CRPPA: variants seen among roughly 807,000 people sequenced by gnomAD.
CRPPA encodes the protein CDP-L-ribitol pyrophosphorylase A, also known as D-ribitol-5-phosphate cytidylyltransferase.
Under a neutral mutation model 52.0 loss-of-function variants are expected in CRPPA, and 43 were observed. The ratio of observed to expected loss-of-function variants is 0.83; its 90% CI spans 0.65 to 1.07. The LOEUF is 1.07. CRPPA is among the 50% of genes least tolerant of loss of function. CRPPA has a pLI of 0.00. For missense variants in CRPPA, 629 were observed against 551.7 expected (o/e 1.14, Z -1.40); for synonymous variants, 250 against 203.5 (o/e 1.23, Z -1.94).
chr7:16,129,815 T>C (rs1276411240), intron 9 of CRPPA, among the ~76,000 whole-genome samples: 2 of 152,182 alleles, frequency 1.3e-5, no homozygotes, highest in African/African-American at 2.4e-5. Flanking sequence ...TGTTTTCAAT[T>C]CATCTCCCTT....
chr7:16,290,133 T>C (rs1271439948), intron 5 of CRPPA, among the ~76,000 whole-genome samples: 1 of 151,766 alleles, frequency 6.6e-6, no homozygotes, highest in African/African-American at 2.4e-5. Context: ...TACAAAACGC[T>C]AATGAAAGAA....
chr7:16,283,531 A>G (rs1784361847), intron 5 of CRPPA, among the ~76,000 whole-genome samples: 1 of 150,858 alleles, frequency 6.6e-6, no homozygotes, highest in Admixed American at 6.6e-5. Context: ...GTGTATATAT[A>G]TATCTATAGA....
intron 9 of CRPPA, among the ~76,000 whole-genome samples, chr7:16,206,453 TTTC>T (rs1384240341): frequency 6.6e-6 from 1 of 152,118 alleles, no homozygotes; most frequent in African/African-American, 2.4e-5. Flanking sequence ...GAACTTTTAG[TTTC>T]TTGTGTTTCT....
chr7:16,190,817 C>T (rs933328941), intron 9 of CRPPA, among the ~76,000 whole-genome samples: 12 of 152,076 alleles, frequency 7.9e-5, no homozygotes, highest in Admixed American at 2.0e-4. Context: ...ATTCTTATGC[C>T]TTTGCATCCT....
At chr7:16,279,908 T>TA (rs1456687991) in intron 5 of CRPPA, among the ~76,000 whole-genome samples, 1 of 152,236 alleles carries the variant, frequency 6.6e-6, no homozygotes, top group Admixed American at 6.5e-5. Context: ...TTATTGGACT[T>TA]ACAGTTCCAT....
intron 4 of CRPPA, among the ~76,000 whole-genome samples, chr7:16,304,375 G>A (rs1222958452): frequency 2.0e-5 from 3 of 152,098 alleles, no homozygotes; most frequent in Non-Finnish European, 4.4e-5. Context: ...GCACAGGAAG[G>A]TGACATCAAG....
Position 16,221,910 on chromosome 7 carries a change from T to A in CRPPA, c.1120-5713A>T, listed in dbSNP as rs567079615. On this transcript the variant is annotated intron_variant, in intron 8 of 9. Coordinates refer to ENST00000407010, the MANE Select transcript of CRPPA (RefSeq NM_001101426.4). The stretch of plus-strand genomic sequence containing the variant: ...TGGCGATTCCTCAGGGATCTAGAAC[T>A]AGAAATACCATTTGACCCAGCCATC... 2.9e-3 allele frequency among the ~76,000 whole-genome samples: 440 copies of A among 151,770 alleles called. 3 individuals are homozygous for A. Among genetic ancestry groups the A allele is most frequent in the African/African-American group, 0.01 (421 of 41,350 alleles).
chr7:16,231,085 G>A (rs576632837), intron 8 of CRPPA, among the ~76,000 whole-genome samples: 6 of 152,252 alleles, frequency 3.9e-5, no homozygotes, highest in African/African-American at 1.2e-4. Flanking sequence ...TATTATTGTG[G>A]TGGGCCAAGT....
chr7:16,303,268 GATAAAGGAATAGCAGAGGAATCT>G (rs1784827396), intron 4 of CRPPA, among the ~76,000 whole-genome samples: 1 of 151,918 alleles, frequency 6.6e-6, no homozygotes, highest in African/African-American at 2.4e-5. Flanking sequence ...TACCTGCCAG[GATAAAGGAATAGCAGAGGAATCT>G]AATTTGGATA....
intron 5 of CRPPA, among the ~76,000 whole-genome samples, chr7:16,284,228 T>C (rs1784377980): frequency 6.6e-6 from 1 of 152,098 alleles, no homozygotes; most frequent in Non-Finnish European, 1.5e-5. Flanking sequence ...ACCTCTGCTA[T>C]TAGTGAATTT....
intron 5 of CRPPA, among the ~76,000 whole-genome samples, chr7:16,297,442 A>C (rs1417256289): frequency 1.1e-4 from 17 of 152,198 alleles, no homozygotes. Context: ...GTGGTAAGGC[A>C]GGAGAGAAGG....
At chr7:16,328,671 C>T (rs745975400) in intron 3 of CRPPA, among the ~76,000 whole-genome samples, 4 of 152,048 alleles carry the variant, frequency 2.6e-5, no homozygotes, top group African/African-American at 7.2e-5. Context: ...CATGCCACCA[C>T]GCCCGGTTAA....
chr7:16,173,456 A>G (rs1781234705), intron 9 of CRPPA, among the ~76,000 whole-genome samples: 1 of 152,216 alleles, frequency 6.6e-6, no homozygotes, highest in Non-Finnish European at 1.5e-5. Context: ...GCTATAAGAA[A>G]GGAAAATGAA....
intron 2 of CRPPA, among the ~76,000 whole-genome samples, chr7:16,377,862 C>T (rs941891544): frequency 6.6e-6 from 1 of 152,126 alleles, no homozygotes; most frequent in Admixed American, 6.6e-5. Flanking sequence ...AGTGTGGACA[C>T]GAGGTTGAGG....
intron 8 of CRPPA, among the ~76,000 whole-genome samples, chr7:16,242,170 G>A (rs1488540210): frequency 6.6e-6 from 1 of 151,458 alleles, no homozygotes; most frequent in Non-Finnish European, 1.5e-5. Context: ...TAGCCAAGAT[G>A]GTCTCAATCT....
chr7:16,159,952 G>A (rs1334039881), intron 9 of CRPPA, among the ~76,000 whole-genome samples: 2 of 152,062 alleles, frequency 1.3e-5, no homozygotes, highest in Non-Finnish European at 2.9e-5. Flanking sequence ...TGATGAGCAC[G>A]TTTGTTGGCT....
At chr7:16,124,771 C>T (rs572234145) in intron 9 of CRPPA, among the ~76,000 whole-genome samples, 46 of 152,092 alleles carry the variant, frequency 3.0e-4, no homozygotes, top group East Asian at 1.2e-3. Flanking sequence ...ATGCTAATTA[C>T]CTTGATTTAA....
intron 9 of CRPPA, among the ~76,000 whole-genome samples, chr7:16,116,661 A>AG (rs1782379001): frequency 9.1e-5 from 1 of 11,030 alleles, no homozygotes; most frequent in East Asian, 6.4e-3. Context: ...ACTCGGTCGA[A>AG]AAAAAAAAAA....
At chr7:16,322,078 T>C (rs1041375374) in intron 3 of CRPPA, among the ~76,000 whole-genome samples, 3 of 152,114 alleles carry the variant, frequency 2.0e-5, no homozygotes, top group Non-Finnish European at 4.4e-5. Context: ...TGCGAGATAA[T>C]ACATTCCTGA....
Sources: gnomAD v4.1 joint callset for allele counts (sites outside exome capture counted in the v4.1 genomes callset) on GRCh38, gnomAD v4.1.1 for gene constraint, MANE v1.5 for transcripts, NCBI Gene and HGNC (gene_info 2026-07-23, HGNC 2026-07-21) for gene names.